Variants in CACNA1D observed in about 807,000 individuals in gnomAD.
CACNA1D encodes calcium voltage-gated channel subunit alpha1 D.
In CACNA1D, 55 loss-of-function variants were observed where a neutral mutation model predicts 257.1. The ratio of observed to expected loss-of-function variants is 0.21; its 90% CI spans 0.17 to 0.27. The LOEUF (loss-of-function observed/expected upper bound fraction) is 0.27. Ranked by LOEUF, CACNA1D falls within the 10% of genes least tolerant of loss-of-function variation. The pLI is 1.00. For synonymous variants in CACNA1D, 980 were observed against 1,014.9 expected (o/e 0.97, Z 0.65); for missense variants, 1,876 against 2,784.0 (o/e 0.67, Z 7.34).
chr3:53,640,586 C>A (rs1182600250), intron 3 of CACNA1D, among the ~76,000 whole-genome samples: 1 of 152,336 alleles, frequency 6.6e-6, no homozygotes, highest in Non-Finnish European at 1.5e-5. Context: ...AAGGCACTGA[C>A]AAGCTGCAAA....
intron 3 of CACNA1D, among the ~76,000 whole-genome samples, chr3:53,649,569 T>C (rs1363652123): frequency 6.6e-6 from 1 of 151,886 alleles, no homozygotes; most frequent in Non-Finnish European, 1.5e-5. Flanking sequence ...GGTACCATAG[T>C]GGGGACATTT....
At chr3:53,627,125 G>T (rs779671391) in intron 3 of CACNA1D, among the ~76,000 whole-genome samples, 1 of 152,190 alleles carries the variant, frequency 6.6e-6, no homozygotes, top group African/African-American at 2.4e-5. Flanking sequence ...AGGCATCTAC[G>T]TGCAGATTCC....
chr3:53,610,048 C>T (rs144749123), intron 3 of CACNA1D, among the ~76,000 whole-genome samples: 242 of 152,294 alleles, frequency 1.6e-3, no homozygotes, highest in African/African-American at 5.5e-3. Context: ...TTTTGACCAA[C>T]ATCAAAAGGT....
At chr3:53,578,833 T>C (rs1278215249) in intron 3 of CACNA1D, among the ~76,000 whole-genome samples, 1 of 152,238 alleles carries the variant, frequency 6.6e-6, no homozygotes, top group Non-Finnish European at 1.5e-5. Context: ...GGTCCTGCAT[T>C]TTCATTTTGC....
chr3:53,799,550 A>G (rs1215857521), intron 40 of CACNA1D, among the ~76,000 whole-genome samples: 1 of 152,100 alleles, frequency 6.6e-6, no homozygotes. Flanking sequence ...AGCCACTTTC[A>G]GTTTGTTGTG....
intron 5 of CACNA1D, 25 bp downstream of exon 5, chr3:53,660,300 T>A (rs1363229662): frequency 1.2e-6 from 2 of 1,612,358 alleles, no homozygotes; most frequent in African/African-American, 1.3e-5. Flanking sequence ...TTTCCTAGAG[T>A]CAGGAGTGTG....
intron 3 of CACNA1D, among the ~76,000 whole-genome samples, chr3:53,531,242 T>C (rs2091940354): frequency 6.6e-6 from 1 of 152,188 alleles, no homozygotes; most frequent in Admixed American, 6.5e-5. Context: ...TTCTTTCCTT[T>C]AGGATCTATT....
Position 53,523,142 on chromosome 3 carries a change from G to A in CACNA1D, c.483+21422G>A, listed in dbSNP as rs1458802005. Among the ~76,000 whole-genome samples, 4 of 152,200 alleles carry A rather than the reference G, an allele frequency of 2.6e-5. No individual in the cohort carries two copies. In the East Asian group the frequency reaches 7.7e-4, roughly 29 times the overall value. The stretch of plus-strand genomic sequence containing the variant: ...GGGTACTTCATTTTAGAGGCAGTCA[G>A]TTCCAAGAATTTGCAAGATGCTGAG... On this transcript the variant is annotated intron_variant, in intron 3 of 47. Transcript: ENST00000350061.
At chr3:53,791,320 GA>G in intron 40 of CACNA1D, 1 of 331,012 alleles carries the variant, frequency 3.0e-6, no homozygotes, top group Non-Finnish European at 5.5e-6. Flanking sequence ...CAGAGAAAGG[GA>G]AAGAGTGAGA....
At chr3:53,609,711 C>T (rs2093559558) in intron 3 of CACNA1D, among the ~76,000 whole-genome samples, 1 of 152,028 alleles carries the variant, frequency 6.6e-6, no homozygotes, top group Non-Finnish European at 1.5e-5. Flanking sequence ...TTGAAAAAAC[C>T]ACCTTTTTCT....
intron 8 of CACNA1D, among the ~76,000 whole-genome samples, chr3:53,681,478 A>C (rs772189931): frequency 6.6e-6 from 1 of 151,816 alleles, no homozygotes; most frequent in Non-Finnish European, 1.5e-5. Flanking sequence ...CATTTAATGA[A>C]TTTTTTTTCA....
chr3:53,595,212 T>G (rs543244855), intron 3 of CACNA1D, among the ~76,000 whole-genome samples: 1 of 152,210 alleles, frequency 6.6e-6, no homozygotes, highest in Non-Finnish European at 1.5e-5. Context: ...GGGTTAATAA[T>G]TAGGTTTTTG....
rs1228310795 is a variant in CACNA1D, at chr3:53,730,570, C to A, written c.2336+14C>A. The A allele has an allele frequency of 6.3e-7, 1 of 1,578,280 alleles. No homozygotes were observed. The highest frequency in any genetic ancestry group is 1.7e-5 in the Admixed American group (1 of 59,916). On this transcript the variant is annotated intron_variant, in intron 16 of 47. Transcript: ENST00000350061. ...AAAGATTGCCAGGTAACCCTATTTT[C>A]CCCTGACGTGTTTGTCCAGGGGCTG...
intron 3 of CACNA1D, among the ~76,000 whole-genome samples, chr3:53,576,171 A>C (rs950373945): frequency 6.6e-6 from 1 of 152,160 alleles, no homozygotes; most frequent in Non-Finnish European, 1.5e-5. Context: ...CTGCTTTTCA[A>C]CTGGGAAACG....
rs772622890 is a variant in CACNA1D at position 53,810,028 on chromosome 3, G to A, written c.5922G>A (p.Pro1974=). 2.0e-5 allele frequency: 32 copies of A among 1,613,870 alleles called. No homozygotes were observed. In the East Asian group the frequency reaches 3.8e-4, roughly 19 times the overall value. The stretch of plus-strand genomic sequence containing the variant: ...CAAGTAAAGCCCAGAAGTACTCACC[G>A]AGTCACTCGACCCGGTCGTGGGCCA... ...LDSSKAQKYS[P]SHSTRSWATP... The change falls in exon 47 of 48, where the codon CCG becomes CCA. Residue 1974 remains proline (P), a synonymous_variant. Transcript: ENST00000350061.
intron 3 of CACNA1D, among the ~76,000 whole-genome samples, chr3:53,579,187 A>G (rs888316604): frequency 1.3e-5 from 2 of 152,248 alleles, no homozygotes; most frequent in Non-Finnish European, 2.9e-5. Context: ...TACTCTCAAC[A>G]GTAAGCTAAA....
chr3:53,521,861 C>A (rs1466284874), intron 3 of CACNA1D, among the ~76,000 whole-genome samples: 1 of 151,518 alleles, frequency 6.6e-6, no homozygotes. Flanking sequence ...AGCATTGTGA[C>A]TTATGCCCAT....
intron 5 of CACNA1D, among the ~76,000 whole-genome samples, chr3:53,660,923 G>C (rs1414203695): frequency 6.6e-6 from 1 of 152,210 alleles, no homozygotes; most frequent in East Asian, 1.9e-4. Flanking sequence ...GTGAGAGAGA[G>C]AGTTTTAGCC....
In CACNA1D at chr3:53,800,451, G is replaced by C. The variant is rs1254725421; in HGVS notation, c.5040+86G>C. On this transcript the variant is annotated intron_variant, in intron 41 of 47. Transcript: ENST00000350061. The surrounding 1 kb of genome is among the most constrained non-coding windows in gnomAD (Gnocchi z 4.3). The stretch of plus-strand genomic sequence containing the variant: ...TTTGGGCAGTTAATCATCCACAGAA[G>C]AGTCTGGAGAATGCAGCCCATCCCC... 2 of 929,100 alleles carry C rather than the reference G, an allele frequency of 2.2e-6. No homozygotes were observed. Among genetic ancestry groups the C allele is most frequent in the African/African-American group, 1.6e-5 (1 of 61,926 alleles). The allele number at this position is 929,100 out of a possible 1,614,324, so 57.6% of individuals were successfully genotyped here.
Sources: allele counts gnomAD v4.1 joint callset (sites outside exome capture counted in the v4.1 genomes callset), GRCh38; gene constraint gnomAD v4.1.1; non-coding constraint Gnocchi (gnomAD v3.1); transcripts MANE v1.5; gene names NCBI Gene and HGNC (gene_info 2026-07-23, HGNC 2026-07-21).